Variants in LARS2 observed in about 807,000 individuals in gnomAD.
LARS2 encodes leucine--tRNA ligase, mitochondrial.
Under a neutral mutation model 116.6 loss-of-function variants are expected in LARS2, and 81 were observed. The observed-to-expected ratio is 0.69, with a 90% CI of 0.58 to 0.84. LARS2 has a LOEUF of 0.84. Ranked by LOEUF, LARS2 falls within the 40% of genes least tolerant of loss-of-function variation. The probability of loss-of-function intolerance (pLI) is 0.00; values close to 1 mark genes in which losing one functional copy is unlikely to be tolerated. For synonymous variants in LARS2, 396 were observed against 407.2 expected, an observed-to-expected ratio of 0.97 and a Z score of 0.33; for missense variants, 968 against 1,114.5, an observed-to-expected ratio of 0.87 and a Z score of 1.87.
At chr3:45,417,379 T>A in intron 4 of LARS2, 103 bp from the exon 5 acceptor site, 1 of 847,706 alleles carries the variant, frequency 1.2e-6, no homozygotes, top group Non-Finnish European at 2.0e-6. Context: ...CAGCAAAAGA[T>A]AAGGCATGTT....
intron 7 of LARS2, among the ~76,000 whole-genome samples, chr3:45,457,624 G>A (rs1467326676): frequency 6.6e-6 from 1 of 152,120 alleles, no homozygotes; most frequent in Admixed American, 6.5e-5. Flanking sequence ...GTTGCAGTGA[G>A]CCAAGATTGC....
intron 15 of LARS2, among the ~76,000 whole-genome samples, chr3:45,512,855 T>C (rs1700309514): frequency 6.6e-6 from 1 of 152,210 alleles, no homozygotes. Context: ...CTTGTATGGT[T>C]TAAAACTTTT....
At chr3:45,528,278 A>T (rs1233576558) in intron 20 of LARS2, among the ~76,000 whole-genome samples, 1 of 152,224 alleles carries the variant, frequency 6.6e-6, no homozygotes, top group African/African-American at 2.4e-5. Context: ...TCACGGCTGC[A>T]GTGAGCCATA....
chr3:45,393,328 G>A (rs961091687), intron 2 of LARS2, among the ~76,000 whole-genome samples: 1 of 152,132 alleles, frequency 6.6e-6, no homozygotes, highest in Non-Finnish European at 1.5e-5. Context: ...TATAATCCTA[G>A]CACTTTGGGA....
intron 15 of LARS2, among the ~76,000 whole-genome samples, chr3:45,501,405 C>G (rs6441919): frequency 0.8 from 121,342 of 151,826 alleles, 52,692 homozygotes; most frequent in East Asian, 0.98. Flanking sequence ...TGTGTTTGAA[C>G]TTTACATAGG....
intron 2 of LARS2, among the ~76,000 whole-genome samples, chr3:45,393,792 C>G (rs1697998273): frequency 6.6e-6 from 1 of 151,894 alleles, no homozygotes; most frequent in Non-Finnish European, 1.5e-5. Context: ...CCACTGCACT[C>G]CAGCCTGAGT....
At chr3:45,424,399 T>G (rs1454909528) in intron 6 of LARS2, among the ~76,000 whole-genome samples, 1 of 152,230 alleles carries the variant, frequency 6.6e-6, no homozygotes, top group African/African-American at 2.4e-5. Flanking sequence ...GAATATCTTA[T>G]GTAATTTATT....
intron 20 of LARS2, among the ~76,000 whole-genome samples, chr3:45,531,660 A>C (rs1045745211): frequency 2.6e-5 from 4 of 152,182 alleles, no homozygotes; most frequent in African/African-American, 9.7e-5. Context: ...CTGGGATTAT[A>C]GGCATGAGCC....
intron 15 of LARS2, among the ~76,000 whole-genome samples, chr3:45,500,876 C>A (rs1700106364): frequency 1.3e-5 from 2 of 152,086 alleles, no homozygotes; most frequent in African/African-American, 4.8e-5. Flanking sequence ...TGTTTTATAG[C>A]ATCTCATGTG....
chr3:45,470,854 A>G (rs550249085), intron 8 of LARS2, among the ~76,000 whole-genome samples: 31 of 152,208 alleles, frequency 2.0e-4, no homozygotes, highest in Middle Eastern at 3.4e-3. Context: ...TTCGATTTGA[A>G]AAAGGTTTCA....
chr3:45,438,862 A>G (rs1575255046), intron 6 of LARS2, among the ~76,000 whole-genome samples: 1 of 152,006 alleles, frequency 6.6e-6, no homozygotes, highest in East Asian at 1.9e-4. Flanking sequence ...CAAAGAAAAA[A>G]CGATGAGAGG....
intron 4 of LARS2, among the ~76,000 whole-genome samples, chr3:45,407,409 C>T (rs375228136): frequency 3.3e-4 from 50 of 152,124 alleles, no homozygotes; most frequent in Non-Finnish European, 3.8e-4. Flanking sequence ...AAGGAGAGAA[C>T]GAACTGCTGG....
At chr3:45,529,954 G>A (rs994324985) in intron 20 of LARS2, among the ~76,000 whole-genome samples, 2 of 152,194 alleles carry the variant, frequency 1.3e-5, no homozygotes, top group South Asian at 2.1e-4. Context: ...GCAGCAGGCT[G>A]TGGTGGTGGT....
At chr3:45,413,184 T>C (rs1698361157) in intron 4 of LARS2, among the ~76,000 whole-genome samples, 2 of 152,224 alleles carry the variant, frequency 1.3e-5, no homozygotes, top group South Asian at 4.1e-4. Context: ...CTTAGGAACG[T>C]ACATGTTTGT....
rs112751611 is a variant in LARS2, at chr3:45,473,453, C to T, written c.751-790C>T. 1.2e-4 allele frequency among the ~76,000 whole-genome samples: 18 copies of T among 151,366 alleles called. No individual in the cohort carries two copies. In the East Asian group the frequency reaches 3.5e-3, roughly 29 times the overall value. ...AGGCTGCAGTACAGTGGTGTAATCT[C>T]GGCTCACTGCAACCTCTGCTTCAGG... is the stretch of plus-strand genomic sequence containing the variant. On this transcript the variant is annotated intron_variant, in intron 8 of 21. Transcript: ENST00000645846.
At chr3:45,389,752 A>G (rs1216958694) in intron 1 of LARS2, among the ~76,000 whole-genome samples, 1 of 152,214 alleles carries the variant, frequency 6.6e-6, no homozygotes, top group Non-Finnish European at 1.5e-5. Flanking sequence ...GATCATAAAT[A>G]TAAGACATGA....
intron 9 of LARS2, 45 bp downstream of exon 9, chr3:45,474,395 C>T (rs940572905): frequency 1.7e-5 from 22 of 1,304,168 alleles, no homozygotes; most frequent in Middle Eastern, 3.8e-4. Flanking sequence ...TCACAAATCT[C>T]CTCTACATTT....
intron 8 of LARS2, among the ~76,000 whole-genome samples, chr3:45,466,375 A>T (rs1056988024): frequency 7.9e-5 from 12 of 152,194 alleles, no homozygotes; most frequent in African/African-American, 2.2e-4. Flanking sequence ...TTGAGAGAGC[A>T]TTTAGCTCGG....
intron 7 of LARS2, among the ~76,000 whole-genome samples, chr3:45,456,656 A>T (rs1016550244): frequency 1.3e-5 from 2 of 152,240 alleles, no homozygotes; most frequent in Non-Finnish European, 2.9e-5. Context: ...ATAGATAAGG[A>T]AATGGACCTT....
Sources: gnomAD v4.1 joint callset for allele counts (sites outside exome capture counted in the v4.1 genomes callset) on GRCh38, gnomAD v4.1.1 for gene constraint, MANE v1.5 for transcripts, NCBI Gene and HGNC (gene_info 2026-07-23, HGNC 2026-07-21) for gene names.